CSTPP1: variants seen among roughly 807,000 people sequenced by gnomAD.
CSTPP1 encodes the protein centriolar satellite-associated tubulin polyglutamylase complex regulator 1.
the CSTPP1 span, among the ~76,000 whole-genome samples, chr11:47,020,951 T>C: frequency 6.6e-6 from 1 of 152,200 alleles, no homozygotes; most frequent in Admixed American, 6.5e-5. Flanking sequence ...TTATTTTTAA[T>C]CCCAGAGATA....
At chr11:47,078,571 T>C in the CSTPP1 span, among the ~76,000 whole-genome samples, 2 of 152,054 alleles carry the variant, frequency 1.3e-5, no homozygotes, top group Non-Finnish European at 2.9e-5. Flanking sequence ...TCCCAGAAAC[T>C]GAGATAACAT....
the CSTPP1 span, among the ~76,000 whole-genome samples, chr11:47,011,381 C>T: frequency 2.0e-5 from 3 of 152,136 alleles, no homozygotes; most frequent in East Asian, 5.8e-4. Flanking sequence ...CAACTATTGA[C>T]TTCTTATTTG....
the CSTPP1 span, among the ~76,000 whole-genome samples, chr11:47,035,331 G>A: frequency 1.3e-5 from 2 of 152,128 alleles, no homozygotes; most frequent in Non-Finnish European, 2.9e-5. Flanking sequence ...CTTCGTATGG[G>A]TCCGATAGTG....
At chr11:47,105,669 T>G in the CSTPP1 span, among the ~76,000 whole-genome samples, 3 of 152,320 alleles carry the variant, frequency 2.0e-5, no homozygotes, top group East Asian at 5.8e-4. Flanking sequence ...ACTCACTGAT[T>G]TGATGTCATG....
chr11:47,033,837 C>T, the CSTPP1 span, among the ~76,000 whole-genome samples: 1 of 152,098 alleles, frequency 6.6e-6, no homozygotes. Flanking sequence ...CTTATAACCC[C>T]CTGACTTAGG....
the CSTPP1 span, among the ~76,000 whole-genome samples, chr11:47,026,605 C>G: frequency 6.6e-6 from 1 of 152,234 alleles, no homozygotes; most frequent in East Asian, 1.9e-4. Flanking sequence ...TGGCTGGGCA[C>G]GGTGGCTCAT....
chr11:47,096,186 T>A, the CSTPP1 span, among the ~76,000 whole-genome samples: 2 of 152,298 alleles, frequency 1.3e-5, no homozygotes, highest in African/African-American at 4.8e-5. Flanking sequence ...AAGACACCAA[T>A]TTTTTTATTG....
chr11:47,104,353 C>T, the CSTPP1 span, among the ~76,000 whole-genome samples: 16 of 152,194 alleles, frequency 1.1e-4, no homozygotes, highest in Admixed American at 5.9e-4. Flanking sequence ...CTCAGTTCCC[C>T]GCCCTTCAGC....
chr11:47,030,724 C>T, the CSTPP1 span, among the ~76,000 whole-genome samples: 4 of 152,098 alleles, frequency 2.6e-5, no homozygotes, highest in East Asian at 3.8e-4. Context: ...TCTATGCATC[C>T]GTGTGTTCTC....
At chr11:47,148,494 A>G in the CSTPP1 span, among the ~76,000 whole-genome samples, 1 of 152,200 alleles carries the variant, frequency 6.6e-6, no homozygotes, top group Non-Finnish European at 1.5e-5. Context: ...AAAGAAGTCC[A>G]GTCATGGAAA....
At chr11:47,012,706 C>G in the CSTPP1 span, among the ~76,000 whole-genome samples, 27 of 151,914 alleles carry the variant, frequency 1.8e-4, no homozygotes, top group Non-Finnish European at 3.4e-4. Context: ...GATGGGAGCC[C>G]TTTCTTTAAA....
chr11:47,092,185 G>T, the CSTPP1 span, among the ~76,000 whole-genome samples: 2 of 152,154 alleles, frequency 1.3e-5, no homozygotes, highest in African/African-American at 2.4e-5. Context: ...GTCTAAAAAA[G>T]AGGTATTTTA....
the CSTPP1 span, among the ~76,000 whole-genome samples, chr11:47,097,117 G>T: frequency 7.3e-6 from 1 of 136,418 alleles, no homozygotes; most frequent in African/African-American, 2.5e-5. Flanking sequence ...TCAGCCCCCC[G>T]CCTGGCCAGC....
the CSTPP1 span, chr11:47,052,244 T>C: frequency 2.9e-6 from 3 of 1,029,768 alleles, no homozygotes; most frequent in South Asian, 3.5e-5. Flanking sequence ...ATAGAAGGAC[T>C]AGGTCTAATC....
the CSTPP1 span, among the ~76,000 whole-genome samples, chr11:47,091,922 A>G: frequency 2.6e-5 from 4 of 152,222 alleles, no homozygotes; most frequent in Admixed American, 1.3e-4. Context: ...TAGTCCCATA[A>G]GACTCATTTT....
chr11:46,987,166 C>A, the CSTPP1 span: 1 of 1,585,668 alleles, frequency 6.3e-7, no homozygotes, highest in Non-Finnish European at 8.7e-7. Context: ...TTTTTAAAAT[C>A]TTTCTCTCAT....
the CSTPP1 span, among the ~76,000 whole-genome samples, chr11:46,992,701 T>C: frequency 6.6e-6 from 1 of 152,180 alleles, no homozygotes; most frequent in Non-Finnish European, 1.5e-5. Flanking sequence ...TAAACATACA[T>C]GTGCATGTGT....
chr11:47,053,628 AAAAAAAG>A, the CSTPP1 span, among the ~76,000 whole-genome samples: 10 of 151,744 alleles, frequency 6.6e-5, no homozygotes, highest in South Asian at 2.1e-4. Flanking sequence ...TCAAAAAAAA[AAAAAAAG>A]AAAAAAGAAA....
chr11:47,143,171 T>C, the CSTPP1 span, among the ~76,000 whole-genome samples: 1 of 152,342 alleles, frequency 6.6e-6, no homozygotes, highest in South Asian at 2.1e-4. Flanking sequence ...GGTGCATATG[T>C]AGAAAAATTG....
Sources: gnomAD v4.1 joint callset for allele counts (sites outside exome capture counted in the v4.1 genomes callset) on GRCh38, gnomAD v4.1.1 for gene constraint, MANE v1.5 for transcripts, NCBI Gene and HGNC (gene_info 2026-07-23, HGNC 2026-07-21) for gene names.